SULF1: variants seen among roughly 807,000 people sequenced by gnomAD.
SULF1 encodes the protein extracellular sulfatase Sulf-1.
SULF1 carries 46 observed loss-of-function variants against 110.5 expected under a neutral mutation model. The observed-to-expected ratio is 0.42, with a 90% confidence interval of 0.33 to 0.53. SULF1 has a LOEUF of 0.53. Ranked by LOEUF, SULF1 falls within the 20% of genes least tolerant of loss-of-function variation. The probability of loss-of-function intolerance (pLI) is 0.12; values close to 1 mark genes in which losing one functional copy is unlikely to be tolerated. For synonymous variants in SULF1, 371 were observed against 387.1 expected (o/e 0.96, Z 0.49); for missense variants, 941 against 1,094.2 (o/e 0.86, Z 1.98).
At chr8:69,476,894 T>C (rs1809321588) in intron 1 of SULF1, among the ~76,000 whole-genome samples, 1 of 152,218 alleles carries the variant, frequency 6.6e-6, no homozygotes, top group African/African-American at 2.4e-5. Context: ...ATAAACATCA[T>C]CTTCGGCAAG....
At chr8:69,651,430 C>T (rs1314947251) in intron 22 of SULF1, among the ~76,000 whole-genome samples, 1 of 152,092 alleles carries the variant, frequency 6.6e-6, no homozygotes, top group Non-Finnish European at 1.5e-5. Flanking sequence ...TATAATGTTA[C>T]CCTGCTCCTG....
Position 69,660,294 on chromosome 8 carries a change from T to G in SULF1, c.*1759T>G, listed in dbSNP as rs1056778907. The G allele has an allele frequency of 6.6e-6, 1 of 152,214 alleles. No individual in the cohort carries two copies. Among genetic ancestry groups the G allele is most frequent in the Admixed American group, 6.5e-5 (1 of 15,284 alleles). 9.4% of individuals were successfully genotyped at this position (152,214 alleles called of 1,614,324 possible). A position where few individuals can be genotyped will look rare whatever the true frequency, so the allele number is the denominator to read the frequency against. ...AAAGAAAATCATGAATGCTCCACAATTTCAACATACCACAAGAGAAGTTAA... is the reference window on the plus strand; with the variant it reads ...AAAGAAAATCATGAATGCTCCACAAGTTCAACATACCACAAGAGAAGTTAA... On this transcript the variant is annotated 3_prime_UTR_variant, in exon 23 of 23. Coordinates refer to ENST00000402687, the MANE Select transcript of SULF1 (RefSeq NM_001128205.2).
intron 8 of SULF1, among the ~76,000 whole-genome samples, chr8:69,593,628 C>T (rs1014541281): frequency 3.3e-5 from 5 of 152,106 alleles, no homozygotes; most frequent in African/African-American, 1.2e-4. Context: ...GATGGTAGAG[C>T]TTATGCTTAC....
At chr8:69,600,267 G>T (rs113555649) in intron 8 of SULF1, among the ~76,000 whole-genome samples, 4 of 151,778 alleles carry the variant, frequency 2.6e-5, no homozygotes, top group African/African-American at 9.7e-5. Context: ...GTACCTTACC[G>T]AGACTTTATC....
intron 3 of SULF1, among the ~76,000 whole-genome samples, chr8:69,522,690 A>T (rs1812390431): frequency 6.6e-6 from 1 of 152,222 alleles, no homozygotes; most frequent in Non-Finnish European, 1.5e-5. Context: ...CCAGTAAAGT[A>T]GGATGAAGAC....
intron 22 of SULF1, among the ~76,000 whole-genome samples, chr8:69,647,226 A>G (rs1811987839): frequency 6.6e-6 from 1 of 152,034 alleles, no homozygotes; most frequent in Non-Finnish European, 1.5e-5. Context: ...TACAGGTATG[A>G]GCCACTGCGC....
At chr8:69,557,193 C>T (rs10095284) in intron 3 of SULF1, among the ~76,000 whole-genome samples, 34,610 of 152,110 alleles carry the variant, frequency 0.23, 4,351 homozygotes, top group African/African-American at 0.34. Context: ...GTTGTCTCTT[C>T]GTTCTCATTC....
In SULF1 at chr8:69,660,512, A is replaced by G. The variant is rs553149357; in HGVS notation, c.*1977A>G. ...GTACCCTCCTATTCAGCTCCCCAAG[A>G]TGATGTGTTTTTGCTTACCCTAAGA... On this transcript the variant is annotated 3_prime_UTR_variant, in exon 23 of 23. Transcript: ENST00000402687. 2 of 152,730 alleles carry G rather than the reference A, an allele frequency of 1.3e-5. No homozygotes were observed. The highest frequency in any genetic ancestry group is 3.9e-4 in the East Asian group (2 of 5,192). 9.5% of individuals were successfully genotyped at this position (152,730 alleles called of 1,614,324 possible).
At chr8:69,512,658 G>A (rs927946870) in intron 3 of SULF1, among the ~76,000 whole-genome samples, 2 of 152,068 alleles carry the variant, frequency 1.3e-5, no homozygotes, top group Admixed American at 6.5e-5. Context: ...GCGTATAACC[G>A]AGAAGCATTC....
At chr8:69,593,853 C>A (rs1332009761) in intron 8 of SULF1, among the ~76,000 whole-genome samples, 2 of 152,156 alleles carry the variant, frequency 1.3e-5, no homozygotes, top group Non-Finnish European at 2.9e-5. Flanking sequence ...CATAGGGATG[C>A]AATTCCTTCA....
Position 69,621,067 on chromosome 8 carries a change from G to C in SULF1, c.1410G>C (p.Lys470Asn). The change falls in exon 14 of 23, where the codon AAG (lysine) becomes AAC (asparagine). Residue 470 changes from lysine (K) to asparagine (N), a missense_variant. Physicochemically the swap from Lys to Asn is moderately conservative, Grantham distance 94. Around this residue, in one of 3 missense-constraint regions of SULF1, gnomAD observed 822 missense variants for 934.3 expected, o/e 0.88. Coordinates refer to ENST00000402687, the MANE Select transcript of SULF1 (RefSeq NM_001128205.2). ...KWQCIEDTSG[K>N]LRIHKCKGPS... is the part of the protein sequence containing the mutation. ...AATGCATTGAGGATACATCTGGCAA[G>C]CTTCGAATTCACAAGTGTAAAGGAC... 1.2e-6 allele frequency: 2 copies of C among 1,612,668 alleles called. No homozygotes were observed. The highest frequency in any genetic ancestry group is 1.7e-6 in the Non-Finnish European group (2 of 1,178,828).
At chr8:69,556,361 G>A (rs1815117548) in intron 3 of SULF1, among the ~76,000 whole-genome samples, 2 of 152,130 alleles carry the variant, frequency 1.3e-5, no homozygotes, top group South Asian at 4.1e-4. Flanking sequence ...GCCCTGAAAA[G>A]CTCCTGCACA....
intron 19 of SULF1, chr8:69,637,545 G>T (rs1480091231): frequency 6.5e-6 from 1 of 154,340 alleles, no homozygotes; most frequent in African/African-American, 2.4e-5. Context: ...CCATTAAAAT[G>T]ATGATTAATA....
intron 5 of SULF1, among the ~76,000 whole-genome samples, chr8:69,572,397 A>G (rs1053201528): frequency 6.6e-6 from 1 of 152,148 alleles, no homozygotes; most frequent in Non-Finnish European, 1.5e-5. Context: ...ACCCACCACA[A>G]AGGATTATTG....
rs116270875 is a variant in SULF1, at chr8:69,544,070, G to A, written c.-133-19469G>A. Among the ~76,000 whole-genome samples, 474 of 152,250 alleles carry A rather than the reference G, an allele frequency of 3.1e-3. 3 individuals are homozygous for A. Among genetic ancestry groups the A allele is most frequent in the African/African-American group, 0.01 (434 of 41,534 alleles). On this transcript the variant is annotated intron_variant, in intron 3 of 22. Transcript: ENST00000402687. ...ATGCATAAATCAAATTGGCTAAGGT[G>A]TTTCGATTTACACATTCATGTTTCT...
At chr8:69,509,766 C>T (rs762890818) in intron 3 of SULF1, among the ~76,000 whole-genome samples, 16 of 152,170 alleles carry the variant, frequency 1.1e-4, no homozygotes, top group Non-Finnish European at 2.1e-4. Context: ...CTTTTCTACC[C>T]CCAAGCACTG....
chr8:69,532,614 A>G (rs1293414769), intron 3 of SULF1, among the ~76,000 whole-genome samples: 1 of 152,266 alleles, frequency 6.6e-6, no homozygotes, highest in Non-Finnish European at 1.5e-5. Flanking sequence ...AAGAGAATGA[A>G]AAAGAATGTA....
At chr8:69,498,559 T>G (rs1235242879) in intron 2 of SULF1, among the ~76,000 whole-genome samples, 1 of 152,144 alleles carries the variant, frequency 6.6e-6, no homozygotes, top group African/African-American at 2.4e-5. Context: ...GAGACCATCC[T>G]GCATGCAGGC....
chr8:69,612,563 G>GT (rs1396299456), intron 13 of SULF1, among the ~76,000 whole-genome samples: 1 of 152,116 alleles, frequency 6.6e-6, no homozygotes, highest in Non-Finnish European at 1.5e-5. Context: ...GAATAAGGTG[G>GT]TATCTCATTG....
Sources: allele counts gnomAD v4.1 joint callset (sites outside exome capture counted in the v4.1 genomes callset), GRCh38; gene constraint gnomAD v4.1.1; regional missense constraint gnomAD v4.1.1; transcripts MANE v1.5; gene names NCBI Gene and HGNC (gene_info 2026-07-23, HGNC 2026-07-21).